TBC1D14: variants seen among roughly 807,000 people sequenced by gnomAD.
TBC1D14 encodes the protein TBC1 domain family, member 14.
TBC1D14 carries 26 observed loss-of-function variants against 79.0 expected under a neutral mutation model. The observed-to-expected ratio is 0.33, with a 90% confidence interval of 0.24 to 0.46. TBC1D14 has a LOEUF of 0.46. Ranked by LOEUF, TBC1D14 falls within the 20% of genes least tolerant of loss-of-function variation. The pLI is 1.00. For missense variants in TBC1D14, 769 were observed against 887.6 expected (o/e 0.87, Z 1.70); for synonymous variants, 394 against 349.9 (o/e 1.13, Z -1.40).
At chr4:6,936,012 T>C (rs1712289353) in intron 2 of TBC1D14, among the ~76,000 whole-genome samples, 1 of 152,262 alleles carries the variant, frequency 6.6e-6, no homozygotes, top group Non-Finnish European at 1.5e-5. Context: ...AGAGCAGTTG[T>C]AGGTTTACAG....
chr4:6,949,894 A>T (rs896890010), intron 2 of TBC1D14, among the ~76,000 whole-genome samples: 1 of 151,954 alleles, frequency 6.6e-6, no homozygotes, highest in African/African-American at 2.4e-5. Context: ...AATGCAGTGA[A>T]TTTTTTTATT....
intron 3 of TBC1D14, chr4:6,987,564 G>A (rs899744318): frequency 1.2e-5 from 5 of 409,408 alleles, no homozygotes; most frequent in African/African-American, 8.2e-5. Context: ...TCTCCTCCCT[G>A]GTACTCTTTG....
At chr4:6,945,500 G>C (rs773409423) in intron 2 of TBC1D14, among the ~76,000 whole-genome samples, 5 of 152,176 alleles carry the variant, frequency 3.3e-5, no homozygotes, top group Admixed American at 6.5e-5. Context: ...TGTAATCCCA[G>C]CACTTTGGGA....
intron 9 of TBC1D14, among the ~76,000 whole-genome samples, chr4:7,007,919 G>C (rs1312466579): frequency 6.6e-6 from 1 of 152,172 alleles, no homozygotes; most frequent in Non-Finnish European, 1.5e-5. Context: ...CAGGCTCTCA[G>C]AGGGATCCAG....
Position 6,954,225 on chromosome 4 carries a change from G to A in TBC1D14, c.723-13079G>A, listed in dbSNP as rs549831530. 4.2e-6 allele frequency: 3 copies of A among 713,174 alleles called. No homozygotes were observed. In the East Asian group the frequency reaches 8.1e-5, roughly 19 times the overall value. 44.2% of individuals were successfully genotyped at this position (713,174 alleles called of 1,614,324 possible). A position where few individuals can be genotyped will look rare whatever the true frequency, so the allele number is the denominator to read the frequency against. ...GAGTTTCCCCGGGACTGTGGCTCTG[G>A]CGTGCCAGGAATGCGGCACGGGGAG... On this transcript the variant is annotated intron_variant, in intron 2 of 13. Transcript: ENST00000409757.
intron 13 of TBC1D14, among the ~76,000 whole-genome samples, chr4:7,027,726 C>A (rs1422820926): frequency 7.5e-6 from 1 of 133,594 alleles, no homozygotes; most frequent in African/African-American, 2.8e-5. Context: ...CACACAATCA[C>A]CCCCCACACA....
intron 12 of TBC1D14, among the ~76,000 whole-genome samples, chr4:7,019,827 C>T (rs6830487): frequency 1.9e-3 from 94 of 48,854 alleles, no homozygotes; most frequent in African/African-American, 2.2e-3. Context: ...TAGGGAGGAC[C>T]CTGGGGCACA....
At position 7,010,671 on chromosome 4, in the gene TBC1D14, A is replaced by G. The variant is rs1191130034; in HGVS notation, c.1537A>G (p.Ile513Val). ...DVGYVQGMSF[I>V]AAVLILNLDT... ...CTCTCAGGTCCAGGGCATGTCCTTC[A>G]TAGCAGCAGTGTTGATCTTGAACTT... Residue 513 changes from isoleucine to valine, a missense_variant, in exon 11 of 14, where the codon ATA becomes GTA. Physicochemically the swap from Ile to Val is conservative, Grantham distance 29. This residue lies in a region of TBC1D14 where 367 missense variants were observed against 494.4 expected (regional missense o/e 0.74). Transcript: ENST00000409757. 1.9e-6 allele frequency: 3 copies of G among 1,613,878 alleles called. No homozygotes were observed. The highest frequency in any genetic ancestry group is 2.5e-6 in the Non-Finnish European group (3 of 1,179,968).
intron 3 of TBC1D14, among the ~76,000 whole-genome samples, chr4:6,970,220 G>T (rs1032493608): frequency 2.6e-5 from 4 of 152,204 alleles, no homozygotes; most frequent in Non-Finnish European, 5.9e-5. Context: ...AACATCACGT[G>T]GTGACATAAG....
intron 5 of TBC1D14, among the ~76,000 whole-genome samples, chr4:6,996,609 G>T (rs533708896): frequency 6.6e-6 from 1 of 152,268 alleles, no homozygotes; most frequent in African/African-American, 2.4e-5. Flanking sequence ...TGGGCGGACT[G>T]CAGGGACTCG....
rs1390098703 is a variant in TBC1D14 at position 6,999,145 on chromosome 4, G to A, written c.1106G>A (p.Ser369Asn). The change falls in exon 6 of 14, where the codon AGC becomes AAC. Residue 369 changes from serine to asparagine, a missense_variant. By Grantham distance (46) the Ser-to-Asn change is conservative (BLOSUM62 1). This residue lies in a region of TBC1D14 where 367 missense variants were observed against 494.4 expected (regional missense o/e 0.74). Coordinates refer to ENST00000409757, the MANE Select transcript of TBC1D14 (RefSeq NM_020773.3). ...QLEERCRVEE[S>N]IGNAVLTWNN... ...GAAGAAAGATGCAGAGTCGAGGAAA[G>A]CATTGGAAACGCTGTGCTCACCTGG... 2 of 1,614,204 alleles carry A rather than the reference G, an allele frequency of 1.2e-6. No individual in the cohort carries two copies. Among genetic ancestry groups the A allele is most frequent in the Non-Finnish European group, 1.7e-6 (2 of 1,180,034 alleles).
chr4:6,933,764 T>C (rs1442797198), intron 2 of TBC1D14, among the ~76,000 whole-genome samples: 1 of 152,082 alleles, frequency 6.6e-6, no homozygotes, highest in Non-Finnish European at 1.5e-5. Flanking sequence ...GGAGTAGTGA[T>C]TTCATTGAGT....
chr4:7,018,410 C>T (rs577611602), intron 12 of TBC1D14, among the ~76,000 whole-genome samples: 1 of 152,320 alleles, frequency 6.6e-6, no homozygotes, highest in South Asian at 2.1e-4. Context: ...GCCACACTGC[C>T]TGCCCACCAA....
chr4:6,967,637 T>G (rs1476289950), intron 3 of TBC1D14, among the ~76,000 whole-genome samples: 2 of 152,242 alleles, frequency 1.3e-5, no homozygotes. Context: ...GAAAGTCCAT[T>G]TGACAGAGGT....
intron 2 of TBC1D14, among the ~76,000 whole-genome samples, chr4:6,949,638 G>A (rs369302446): frequency 4.0e-5 from 6 of 149,530 alleles, no homozygotes; most frequent in Non-Finnish European, 8.9e-5. Context: ...AGCTGAGATC[G>A]TGCCACTGCA....
chr4:6,965,521 C>T (rs1365585389), intron 2 of TBC1D14, among the ~76,000 whole-genome samples: 1 of 152,162 alleles, frequency 6.6e-6, no homozygotes, highest in Non-Finnish European at 1.5e-5. Context: ...CCCCATGCAT[C>T]AGATCAGATG....
At chr4:6,910,398 C>T (rs924605346) in intron 1 of TBC1D14, 1 of 152,376 alleles carries the variant, frequency 6.6e-6, no homozygotes, top group African/African-American at 2.4e-5. Flanking sequence ...CCGCTTTCAT[C>T]TCTGACCCCT....
intron 2 of TBC1D14, among the ~76,000 whole-genome samples, chr4:6,928,299 A>G (rs543383239): frequency 2.0e-5 from 3 of 152,290 alleles, no homozygotes; most frequent in African/African-American, 7.2e-5. Flanking sequence ...TTTCCGGACC[A>G]CTTCCCGACC....
At chr4:7,017,644 C>T (rs576938961) in intron 12 of TBC1D14, among the ~76,000 whole-genome samples, 4 of 152,260 alleles carry the variant, frequency 2.6e-5, no homozygotes, top group African/African-American at 9.6e-5. Flanking sequence ...GTGCCCAGGG[C>T]CTTGTGAATG....
Sources: allele counts gnomAD v4.1 joint callset (sites outside exome capture counted in the v4.1 genomes callset), GRCh38; gene constraint gnomAD v4.1.1; regional missense constraint gnomAD v4.1.1; transcripts MANE v1.5; gene names NCBI Gene and HGNC (gene_info 2026-07-23, HGNC 2026-07-21).